The following PTPRS variants were observed in gnomAD, a reference collection of about 807,000 sequenced individuals.
PTPRS encodes receptor-type tyrosine-protein phosphatase S.
In PTPRS, 63 loss-of-function variants were observed where a neutral mutation model predicts 215.3. That is an observed-to-expected ratio of 0.29 (90% confidence interval 0.24 to 0.36). PTPRS has a LOEUF of 0.36. Among genes scored for constraint, PTPRS ranks in the 10% least tolerant of loss-of-function variants. The pLI, the probability that PTPRS is intolerant of heterozygous loss-of-function variation, is 1.00. For synonymous variants in PTPRS, 1,404 were observed against 1,191.4 expected (o/e 1.18, Z -3.68); for missense variants, 2,258 against 2,825.8 (o/e 0.80, Z 4.56).
chr19:5,258,817 A>G (rs72983111), intron 7 of PTPRS, among the ~76,000 whole-genome samples: 22,915 of 152,270 alleles, frequency 0.15, 2,204 homozygotes, highest in Non-Finnish European at 0.22. Flanking sequence ...CATGGATCCA[A>G]GCCTTCTGGC....
chr19:5,303,165 T>C (rs944442954), intron 1 of PTPRS, among the ~76,000 whole-genome samples: 3 of 152,164 alleles, frequency 2.0e-5, no homozygotes, highest in Non-Finnish European at 4.4e-5. Context: ...GGGAGCTGTG[T>C]GGGCCTGAAC....
Position 5,244,126 on chromosome 19 carries a change from C to T in PTPRS, c.1345G>A (p.Glu449Lys), listed in dbSNP as rs747264114. 1.9e-6 allele frequency: 3 copies of T among 1,606,612 alleles called. No homozygotes were observed. Among genetic ancestry groups the T allele is most frequent in the Non-Finnish European group, 1.7e-6 (2 of 1,177,384 alleles). The change falls in exon 11 of 38, where the codon GAG becomes AAG. Residue 449 changes from glutamate (E) to lysine (K), a missense_variant. This residue lies in a region of PTPRS where 508 missense variants were observed against 799.4 expected (regional missense o/e 0.64). Coordinates refer to ENST00000262963, the MANE Select transcript of PTPRS (RefSeq NM_002850.4). This position sits in a 1 kb window ranked among gnomAD's most constrained non-coding sequence, Gnocchi z 7.2. ...ATCAGGCCGTTGGGCTCCACCGGCTCCTCCCACTGCACAATCATGGTGGTC... is the reference window on the plus strand; with the variant it reads ...ATCAGGCCGTTGGGCTCCACCGGCTTCTCCCACTGCACAATCATGGTGGTC... ...SATTMIVQWE[E>K]PVEPNGLIRG...
chr19:5,273,552 A>G lies in PTPRS; in HGVS notation c.269T>C (p.Val90Ala), dbSNP rs1185447282. ...TGTCCTCAGCGGCTGGATCCTCAGC[A>G]CTGCCCCTGCACTCTCATCAAACTC... ...TIEFDESAGA[V>A]LRIQPLRTPR... Residue 90 changes from valine to alanine, a missense_variant, in exon 4 of 38, where the codon GTG (valine) becomes GCG (alanine). By Grantham distance (64) the Val-to-Ala change is moderately conservative. Around this residue, in one of 6 missense-constraint regions of PTPRS, gnomAD observed 508 missense variants for 799.4 expected, o/e 0.64. Transcript: ENST00000262963. The G allele has an allele frequency of 4.3e-6, 7 of 1,614,020 alleles. No homozygotes were observed. Among genetic ancestry groups the G allele is most frequent in the Non-Finnish European group, 5.9e-6 (7 of 1,180,034 alleles).
intron 12 of PTPRS, 112 bp downstream of exon 12, chr19:5,240,087 C>G: frequency 8.0e-7 from 1 of 1,246,652 alleles, no homozygotes; most frequent in South Asian, 1.8e-5. Context: ...TGAGGAAGAG[C>G]AGAATCCGCA....
chr19:5,226,261 T>C (rs1201759809), intron 16 of PTPRS, among the ~76,000 whole-genome samples: 3 of 152,182 alleles, frequency 2.0e-5, no homozygotes, highest in Non-Finnish European at 1.5e-5. Context: ...AGGGCTCTCC[T>C]TGCTGTTCCT....
rs910884558 is a variant in PTPRS at position 5,293,219 on chromosome 19, C to T, written c.-94-6985G>A. ...GCAGCCGCTCCCCGCGTCCCTCGGT[C>T]CGCCCGGAGCGCGGCGCGCAGCGAA... On this transcript the variant is annotated intron_variant, in intron 1 of 37. Transcript: ENST00000262963. This position sits in a 1 kb window ranked among gnomAD's most constrained non-coding sequence, Gnocchi z 8.4. 6 of 151,834 alleles carry T rather than the reference C, an allele frequency of 4.0e-5. No homozygotes were observed. The highest frequency in any genetic ancestry group is 1.2e-4 in the African/African-American group (5 of 41,472). 9.4% of individuals were successfully genotyped at this position (151,834 alleles called of 1,614,324 possible).
intron 1 of PTPRS, among the ~76,000 whole-genome samples, chr19:5,323,819 TTGTGGGAAGACAGAC>T (rs1175357580): frequency 6.6e-6 from 1 of 152,026 alleles, no homozygotes; most frequent in Non-Finnish European, 1.5e-5. Context: ...AAAGATGTCA[TTGTGGGAAGACAGAC>T]TGTGGGAATG....
intron 1 of PTPRS, among the ~76,000 whole-genome samples, chr19:5,306,792 C>T (rs1223685761): frequency 6.6e-6 from 1 of 152,200 alleles, no homozygotes. Flanking sequence ...TCCCCTCCTA[C>T]ACAGTCGGAA....
At chr19:5,260,574 C>A (rs765651442) in intron 7 of PTPRS, among the ~76,000 whole-genome samples, 1 of 152,318 alleles carries the variant, frequency 6.6e-6, no homozygotes, top group South Asian at 2.1e-4. Flanking sequence ...GGAGAGAGCG[C>A]CCCCGCCTTC....
chr19:5,246,858 AG>A (rs2045525704), intron 9 of PTPRS, among the ~76,000 whole-genome samples: 1 of 152,032 alleles, frequency 6.6e-6, no homozygotes, highest in Admixed American at 6.6e-5. Context: ...TGCAGCTCTG[AG>A]TCACAAACAT....
chr19:5,263,285 A>G (rs1017388082), intron 5 of PTPRS, among the ~76,000 whole-genome samples: 1 of 151,990 alleles, frequency 6.6e-6, no homozygotes, highest in Non-Finnish European at 1.5e-5. Flanking sequence ...CCAGGCTGGG[A>G]GATAGGAGGC....
rs201934218 is a variant in PTPRS at position 5,245,798 on chromosome 19, C to T, written c.966G>A (p.Ala322=). ...VAMSSLGVIE[A]VAQITVKSLP... is the part of the protein sequence containing the mutation. Reference sequence around the variant, plus strand: ...CACATTTCACCGTGATCTGAGCAACCGCCTCAATGACGCCCAGGCTGGACA... The same window carrying T: ...CACATTTCACCGTGATCTGAGCAACTGCCTCAATGACGCCCAGGCTGGACA... The change falls in exon 10 of 38, where the codon GCG becomes GCA. Residue 322 remains alanine, a synonymous_variant. Coordinates refer to ENST00000262963, the MANE Select transcript of PTPRS (RefSeq NM_002850.4). 3.7e-5 allele frequency: 59 copies of T among 1,607,284 alleles called. 1 individual carries two copies. The South Asian group carries it at 3.7e-4, about 10-fold the overall frequency.
chr19:5,238,816 C>A lies in PTPRS; in HGVS notation c.1849+103G>T, dbSNP rs372090278. ...CGGAGACAGGCCGGGAGGCGCCCCC[C>A]ACCCACTGCAGCAGGCCCCGCCTGG... On this transcript the variant is annotated intron_variant, in intron 13 of 37. Coordinates refer to ENST00000262963, the MANE Select transcript of PTPRS (RefSeq NM_002850.4). The A allele has an allele frequency of 6.4e-6, 9 of 1,410,442 alleles. No homozygotes were observed. The East Asian group carries it at 1.1e-4, about 17-fold the overall frequency. The allele number at this position is 1,410,442 out of a possible 1,614,324, so 87.4% of individuals were successfully genotyped here. A position where few individuals can be genotyped will look rare whatever the true frequency, so the allele number is the denominator to read the frequency against.
In PTPRS at chr19:5,231,577, C is replaced by T. The variant is rs772048652; in HGVS notation, c.1888G>A (p.Val630Met). The T allele has an allele frequency of 1.1e-5, 18 of 1,590,070 alleles. No homozygotes were observed. The highest frequency in any genetic ancestry group is 1.8e-5 in the Admixed American group (1 of 55,244). Residue 630 changes from valine (V) to methionine (M), a missense_variant, in exon 14 of 38, where the codon GTG becomes ATG. Around this residue, in one of 6 missense-constraint regions of PTPRS, gnomAD observed 371 missense variants for 446.7 expected, o/e 0.83. Transcript: ENST00000262963. ...CTTACCAAAATGGCCGTGGAGCGCA[C>T]GCTGACACATTTAACGTCTTGAGGG... Reference protein sequence around the residue: ...APPQDVKCVSVRSTAILVSWR... With the variant: ...APPQDVKCVSMRSTAILVSWR...
At chr19:5,206,943 G>A (rs892510695) in intron 37 of PTPRS, 101 bp from the exon 38 acceptor site, 39 of 1,061,702 alleles carry the variant, frequency 3.7e-5, no homozygotes, top group Middle Eastern at 2.0e-4. Flanking sequence ...AGCCTTGTGC[G>A]TGTCTCTTGC....
intron 1 of PTPRS, among the ~76,000 whole-genome samples, chr19:5,299,480 C>T (rs183179652): frequency 2.0e-5 from 3 of 152,336 alleles, no homozygotes; most frequent in African/African-American, 7.2e-5. Flanking sequence ...GGCTGACCAC[C>T]TGGCTCAAGC....
chr19:5,263,121 A>C (rs1325015684), intron 5 of PTPRS, 149 bp from the exon 6 acceptor site: 2 of 735,448 alleles, frequency 2.7e-6, no homozygotes, highest in African/African-American at 3.5e-5. Flanking sequence ...TATGATTCCT[A>C]AAGTGGCTTA....
chr19:5,225,092 T>G (rs2042361290), intron 17 of PTPRS, among the ~76,000 whole-genome samples: 1 of 151,968 alleles, frequency 6.6e-6, no homozygotes, highest in Non-Finnish European at 1.5e-5. Context: ...CTCTTTTTCT[T>G]AATTCAGCTC....
chr19:5,272,590 T>TCC (rs2047004589), intron 4 of PTPRS, among the ~76,000 whole-genome samples: 1 of 69,142 alleles, frequency 1.4e-5, no homozygotes. Flanking sequence ...AAAGCAAGAC[T>TCC]GTCTCAAAAA....
Sources: allele counts gnomAD v4.1 joint callset (sites outside exome capture counted in the v4.1 genomes callset), GRCh38; gene constraint gnomAD v4.1.1; regional missense constraint gnomAD v4.1.1; non-coding constraint Gnocchi (gnomAD v3.1); transcripts MANE v1.5; gene names NCBI Gene and HGNC (gene_info 2026-07-23, HGNC 2026-07-21).